The following ATP2C2 variants were observed in gnomAD, a reference collection of about 807,000 sequenced individuals.
ATP2C2 encodes calcium-transporting ATPase type 2C member 2.
Under a neutral mutation model 110.8 loss-of-function variants are expected in ATP2C2, and 171 were observed. The observed-to-expected ratio is 1.54, with a 90% CI of 1.36 to 1.75. The LOEUF (loss-of-function observed/expected upper bound fraction) is 1.75. ATP2C2 is among the 40% of genes most tolerant of loss of function. ATP2C2 has a pLI of 0.00. For missense variants in ATP2C2, 1,963 were observed against 1,235.0 expected (o/e 1.59, Z -8.84); for synonymous variants, 804 against 508.4 (o/e 1.58, Z -7.82).
intron 17 of ATP2C2, among the ~76,000 whole-genome samples, chr16:84,449,834 C>T (rs1005776391): frequency 1.3e-5 from 2 of 152,226 alleles, no homozygotes; most frequent in African/African-American, 4.8e-5. Context: ...GACGAAATGG[C>T]TCACTTAAGA....
chr16:84,384,589 C>T (rs72804664), intron 1 of ATP2C2, among the ~76,000 whole-genome samples: 11,113 of 152,220 alleles, frequency 0.073, 527 homozygotes, highest in Middle Eastern at 0.11. Context: ...AAGTATTTTA[C>T]CGAGAGACAT....
At chr16:84,440,992 A>G (rs1237963328) in intron 14 of ATP2C2, 34 bp downstream of exon 14, 3 of 1,528,748 alleles carry the variant, frequency 2.0e-6, no homozygotes, top group Admixed American at 1.8e-5. Flanking sequence ...GGAAATAGGC[A>G]TTTACATTGA....
rs952464866 is a variant in ATP2C2 at position 84,398,175 on chromosome 16, G to A, written c.100-324G>A. Among the ~76,000 whole-genome samples the A allele has an allele frequency of 1.3e-5, 2 of 152,080 alleles. 1 individual carries two copies. The highest frequency in any genetic ancestry group is 4.8e-5 in the African/African-American group (2 of 41,350). ...CCAGCACTTTGGGAGGCCGAGGCAA[G>A]CGGATCACCTGAGGTCAGGAGTTTG... is the stretch of plus-strand genomic sequence containing the variant. On this transcript the variant is annotated intron_variant, in intron 1 of 26. Transcript: ENST00000262429.
intron 2 of ATP2C2, among the ~76,000 whole-genome samples, chr16:84,402,594 A>G (rs892682605): frequency 1.3e-5 from 2 of 152,246 alleles, no homozygotes; most frequent in African/African-American, 4.8e-5. Context: ...TTGATGTGTC[A>G]CATTAATTTG....
At chr16:84,376,421 A>G (rs1354678368) in intron 1 of ATP2C2, among the ~76,000 whole-genome samples, 1 of 152,210 alleles carries the variant, frequency 6.6e-6, no homozygotes, top group Non-Finnish European at 1.5e-5. Context: ...ACAAGGGATT[A>G]CTACTGGGTG....
intron 14 of ATP2C2, among the ~76,000 whole-genome samples, chr16:84,442,235 C>T (rs1344447566): frequency 6.6e-6 from 1 of 152,164 alleles, no homozygotes; most frequent in Non-Finnish European, 1.5e-5. Context: ...ATGCCATCAT[C>T]CCCATTATCG....
In ATP2C2 at chr16:84,461,750, A is replaced by C; in HGVS notation, c.2518A>C (p.Thr840Pro). 2 of 1,614,178 alleles carry C rather than the reference A, an allele frequency of 1.2e-6. No individual in the cohort carries two copies. The highest frequency in any genetic ancestry group is 1.7e-6 in the Non-Finnish European group (2 of 1,180,022). ...CAGAGCAAGCACTCCCCGCACCACG[A>C]CGATGACGTTCACTTGTTTTGTGTT... ...EDRASTPRTT[T>P]MTFTCFVFFD... is the part of the protein sequence containing the mutation. The change falls in exon 25 of 27, where the codon ACG becomes CCG. Residue 840 changes from threonine to proline, a missense_variant. Coordinates refer to ENST00000262429, the MANE Select transcript of ATP2C2 (RefSeq NM_014861.4).
At chr16:84,444,952 T>G (rs937574453) in intron 15 of ATP2C2, among the ~76,000 whole-genome samples, 3 of 152,182 alleles carry the variant, frequency 2.0e-5, no homozygotes, top group Non-Finnish European at 2.9e-5. Context: ...GCTCCTGGAT[T>G]AGGGTCTTGG....
chr16:84,372,405 C>T lies in ATP2C2; in HGVS notation c.99+3691C>T, dbSNP rs114784628. 2.0e-3 allele frequency among the ~76,000 whole-genome samples: 301 copies of T among 152,278 alleles called. 3 individuals are homozygous for T. Among genetic ancestry groups the T allele is most frequent in the African/African-American group, 6.9e-3 (285 of 41,558 alleles). Reference sequence around the variant, plus strand: ...TTCTCAGAATTCAGCAACATGTGGGCATCTTCTTAAAGAAATGTACTGCAA... The same window carrying T: ...TTCTCAGAATTCAGCAACATGTGGGTATCTTCTTAAAGAAATGTACTGCAA... On this transcript the variant is annotated intron_variant, in intron 1 of 26. Coordinates refer to ENST00000262429, the MANE Select transcript of ATP2C2 (RefSeq NM_014861.4).
chr16:84,405,015 T>G, intron 2 of ATP2C2, 113 bp from the exon 3 acceptor site: 1 of 888,932 alleles, frequency 1.1e-6, no homozygotes, highest in East Asian at 2.4e-5. Context: ...TGGACAAGCC[T>G]GTGTCCCTGG....
At chr16:84,451,789 C>G in intron 17 of ATP2C2, 132 bp from the exon 18 acceptor site, 1 of 903,764 alleles carries the variant, frequency 1.1e-6, no homozygotes, top group Non-Finnish European at 1.7e-6. Flanking sequence ...AGTGAGCCAA[C>G]ATTACACCAC....
intron 1 of ATP2C2, among the ~76,000 whole-genome samples, chr16:84,397,301 A>G (rs1905046453): frequency 6.6e-6 from 1 of 151,618 alleles, no homozygotes; most frequent in Non-Finnish European, 1.5e-5. Flanking sequence ...TTGGTTATTT[A>G]AAATGTCCCA....
chr16:84,380,011 G>A (rs1910484148), intron 1 of ATP2C2, among the ~76,000 whole-genome samples: 1 of 152,130 alleles, frequency 6.6e-6, no homozygotes, highest in Admixed American at 6.6e-5. Flanking sequence ...CCTTGCATTT[G>A]GGCTACACGT....
Position 84,425,802 on chromosome 16 carries a change from G to T in ATP2C2, c.986+1G>T. The T allele has an allele frequency of 6.2e-7, 1 of 1,614,104 alleles. No homozygotes were observed. Among genetic ancestry groups the T allele is most frequent in the Non-Finnish European group, 8.5e-7 (1 of 1,179,996 alleles). On this transcript the variant is annotated splice_donor_variant, in intron 11 of 26. Transcript: ENST00000262429. LOFTEE classifies it high-confidence loss of function. ...TGAGTATGTTCACGATCGGGGTCAG[G>T]TAAGAGTGCTATGGCCGCCCCTTGC...
In ATP2C2 at chr16:84,454,868, C is replaced by T. The variant is rs200064791; in HGVS notation, c.2031C>T (p.Asn677=). ...TGGCCATGACTGGGGATGGGGTGAACGACGCAGTGGCCCTGAAGTCTGCAG... is the reference window on the plus strand; with the variant it reads ...TGGCCATGACTGGGGATGGGGTGAATGACGCAGTGGCCCTGAAGTCTGCAG... ...AIVAMTGDGV[N]DAVALKSADI... is the part of the protein sequence containing the mutation. Residue 677 remains asparagine (N), a synonymous_variant, in exon 21 of 27, where the codon AAC becomes AAT. Coordinates refer to ENST00000262429, the MANE Select transcript of ATP2C2 (RefSeq NM_014861.4). 4.0e-4 allele frequency: 641 copies of T among 1,613,496 alleles called. 1 individual carries two copies. Among genetic ancestry groups the T allele is most frequent in the South Asian group, 1.8e-3 (160 of 91,014 alleles).
chr16:84,448,197 C>T (rs900311058), intron 16 of ATP2C2, among the ~76,000 whole-genome samples: 4 of 152,146 alleles, frequency 2.6e-5, no homozygotes, highest in Non-Finnish European at 5.9e-5. Context: ...GTTAATCACA[C>T]CCCCAAAGGC....
At chr16:84,451,859 C>A in intron 17 of ATP2C2, 62 bp from the exon 18 acceptor site, 1 of 1,495,360 alleles carries the variant, frequency 6.7e-7, no homozygotes, top group Non-Finnish European at 9.1e-7. Flanking sequence ...CAACAACCAA[C>A]AACAAAAAAC....
chr16:84,448,868 A>C (rs1472994796), intron 17 of ATP2C2, among the ~76,000 whole-genome samples, 179 bp downstream of exon 17: 1 of 152,130 alleles, frequency 6.6e-6, no homozygotes, highest in Non-Finnish European at 1.5e-5. Flanking sequence ...AGAGGTCCCC[A>C]CCTCATCCCA....
intron 3 of ATP2C2, among the ~76,000 whole-genome samples, chr16:84,405,834 T>G (rs982439734): frequency 6.6e-6 from 1 of 152,124 alleles, no homozygotes; most frequent in Non-Finnish European, 1.5e-5. Context: ...GTGGGAGGAT[T>G]GTTGGAACCC....
Sources: gnomAD v4.1 joint callset for allele counts (sites outside exome capture counted in the v4.1 genomes callset) on GRCh38, gnomAD v4.1.1 for gene constraint, MANE v1.5 for transcripts, NCBI Gene and HGNC (gene_info 2026-07-23, HGNC 2026-07-21) for gene names.